Variants in NOL4 observed in about 807,000 individuals in gnomAD.
NOL4 encodes the protein cancer/testis antigen 125.
Under a neutral mutation model 75.9 loss-of-function variants are expected in NOL4, and 17 were observed. The ratio of observed to expected loss-of-function variants is 0.22; its 90% CI spans 0.15 to 0.34. NOL4 has a LOEUF of 0.34. Among genes scored for constraint, NOL4 ranks in the 10% least tolerant of loss-of-function variants. The pLI, the probability that NOL4 is intolerant of heterozygous loss-of-function variation, is 1.00. For synonymous variants in NOL4, 292 were observed against 289.9 expected (o/e 1.01, Z -0.07); for missense variants, 614 against 793.5 (o/e 0.77, Z 2.72).
rs560129393 is a variant in NOL4 at position 34,173,178 on chromosome 18, T to C, written c.265-43158A>G. Among the ~76,000 whole-genome samples, 8 of 152,186 alleles carry C rather than the reference T, an allele frequency of 5.3e-5. No homozygotes were observed. The South Asian group carries it at 1.7e-3, about 31-fold the overall frequency. On this transcript the variant is annotated intron_variant, in intron 1 of 10. Coordinates refer to ENST00000261592, the MANE Select transcript of NOL4 (RefSeq NM_003787.5). Reference sequence around the variant, plus strand: ...GACAAATACTGAATGATTTTACTAATATATGGAATGTTTTAAAGATCAAGC... The same window carrying C: ...GACAAATACTGAATGATTTTACTAACATATGGAATGTTTTAAAGATCAAGC...
At chr18:34,219,025 T>C (rs2037110291) in intron 1 of NOL4, among the ~76,000 whole-genome samples, 1 of 152,200 alleles carries the variant, frequency 6.6e-6, no homozygotes, top group South Asian at 2.1e-4. Context: ...CCATGAATAT[T>C]CATTATAATC....
intron 5 of NOL4, among the ~76,000 whole-genome samples, chr18:34,074,396 G>A (rs1000618579): frequency 6.6e-6 from 1 of 151,614 alleles, no homozygotes; most frequent in East Asian, 1.9e-4. Flanking sequence ...TATTGTTGTG[G>A]TATTATATAT....
Position 33,867,685 on chromosome 18 carries a change from C to CAT in NOL4, c.1724-14652_1724-14651dup, listed in dbSNP as rs560463274. 5.6e-3 allele frequency among the ~76,000 whole-genome samples: 842 copies of CAT among 149,344 alleles called. 2 individuals are homozygous for CAT. The highest frequency in any genetic ancestry group is 0.019 in the African/African-American group (774 of 40,518). The stretch of plus-strand genomic sequence containing the variant: ...ACACACACACACACACACACAATTC[C>CAT]ATATATATATAGAATTGGCTCATGC... On this transcript the variant is annotated intron_variant, in intron 10 of 10. Coordinates refer to ENST00000261592, the MANE Select transcript of NOL4 (RefSeq NM_003787.5).
intron 1 of NOL4, among the ~76,000 whole-genome samples, chr18:34,209,357 GTT>G (rs922243067): frequency 2.4e-4 from 36 of 152,010 alleles, no homozygotes; most frequent in African/African-American, 8.2e-4. Context: ...AGAATTGAAA[GTT>G]ATATTTTAAA....
chr18:33,958,649 G>A (rs981605014), intron 6 of NOL4, among the ~76,000 whole-genome samples: 4 of 152,196 alleles, frequency 2.6e-5, no homozygotes, highest in African/African-American at 7.2e-5. Flanking sequence ...TGCATGGAAC[G>A]TTTCCTTCAC....
intron 1 of NOL4, among the ~76,000 whole-genome samples, chr18:34,182,305 G>C (rs186778257): frequency 6.6e-6 from 1 of 151,704 alleles, no homozygotes; most frequent in African/African-American, 2.4e-5. Flanking sequence ...CAGATAGGAA[G>C]TTCCCATACT....
At chr18:34,162,270 A>C (rs1356935939) in intron 1 of NOL4, among the ~76,000 whole-genome samples, 1 of 152,196 alleles carries the variant, frequency 6.6e-6, no homozygotes, top group Admixed American at 6.5e-5. Context: ...AGACACAAAA[A>C]ACCCTTCAAA....
At chr18:34,065,510 A>G (rs2077237335) in intron 5 of NOL4, among the ~76,000 whole-genome samples, 1 of 152,026 alleles carries the variant, frequency 6.6e-6, no homozygotes, top group Non-Finnish European at 1.5e-5. Flanking sequence ...AATTTCATGT[A>G]AAGCAATGCT....
intron 9 of NOL4, among the ~76,000 whole-genome samples, chr18:33,934,273 T>C (rs2067905681): frequency 6.6e-6 from 1 of 152,044 alleles, no homozygotes; most frequent in Admixed American, 6.6e-5. Context: ...ACAGGCAGAG[T>C]AGATTTTCAT....
chr18:34,062,572 T>G (rs1315627973), intron 5 of NOL4, among the ~76,000 whole-genome samples: 1 of 152,108 alleles, frequency 6.6e-6, no homozygotes. Flanking sequence ...CCATTCCCCA[T>G]TTGAAATTTT....
chr18:33,894,449 T>C (rs2065279838), intron 9 of NOL4, among the ~76,000 whole-genome samples: 1 of 152,080 alleles, frequency 6.6e-6, no homozygotes, highest in Non-Finnish European at 1.5e-5. Flanking sequence ...AATGATTAAG[T>C]ACCCAACACA....
At chr18:33,924,738 A>T (rs957939101) in intron 9 of NOL4, among the ~76,000 whole-genome samples, 10 of 152,200 alleles carry the variant, frequency 6.6e-5, no homozygotes, top group African/African-American at 2.4e-4. Flanking sequence ...GTTAGCGGGG[A>T]ATATAATTAA....
intron 5 of NOL4, among the ~76,000 whole-genome samples, chr18:34,072,146 G>A (rs10221380): frequency 0.38 from 58,227 of 151,500 alleles, 11,631 homozygotes; most frequent in South Asian, 0.54. Context: ...CAGGAGAATC[G>A]CCCGGGAGGC....
At chr18:34,154,387 T>A (rs555784899) in intron 1 of NOL4, among the ~76,000 whole-genome samples, 1 of 152,080 alleles carries the variant, frequency 6.6e-6, no homozygotes, top group South Asian at 2.1e-4. Context: ...TTGACTGTTT[T>A]TTAATCACTA....
intron 1 of NOL4, among the ~76,000 whole-genome samples, chr18:34,164,301 G>A (rs1266244941): frequency 2.0e-5 from 3 of 151,820 alleles, no homozygotes. Flanking sequence ...AGAGTGAACA[G>A]GCAACCTATA....
intron 6 of NOL4, among the ~76,000 whole-genome samples, chr18:33,977,606 T>A (rs897970632): frequency 6.6e-6 from 1 of 152,158 alleles, no homozygotes; most frequent in Non-Finnish European, 1.5e-5. Context: ...AGTATGAAAA[T>A]GAACTCATAC....
At chr18:33,969,417 A>G (rs570169230) in intron 6 of NOL4, among the ~76,000 whole-genome samples, 22 of 152,156 alleles carry the variant, frequency 1.4e-4, no homozygotes, top group Non-Finnish European at 3.1e-4. Flanking sequence ...ATCTTGTATT[A>G]AATAAATAGA....
At chr18:34,041,899 T>C (rs941755993) in intron 5 of NOL4, among the ~76,000 whole-genome samples, 2 of 152,010 alleles carry the variant, frequency 1.3e-5, no homozygotes, top group African/African-American at 4.8e-5. Flanking sequence ...TTGCTATAGA[T>C]AGATTTTACT....
In NOL4 at chr18:34,152,015, CATTAA is replaced by C. The variant is rs1428843727; in HGVS notation, c.265-22000_265-21996del. ...TCAATTTGAAAAAATGAAAAATTCA[CATTAA>C]ATTAAAATATAATAACGAAATCTTT... On this transcript the variant is annotated intron_variant, in intron 1 of 10. Transcript: ENST00000261592. 4.0e-5 allele frequency among the ~76,000 whole-genome samples: 6 copies of C among 151,814 alleles called. No individual in the cohort carries two copies. In the East Asian group the frequency reaches 1.2e-3, roughly 29 times the overall value.
Sources: allele counts gnomAD v4.1 joint callset (sites outside exome capture counted in the v4.1 genomes callset), GRCh38; gene constraint gnomAD v4.1.1; transcripts MANE v1.5; gene names NCBI Gene and HGNC (gene_info 2026-07-23, HGNC 2026-07-21).